The following P4HTM variants were observed in gnomAD, a reference collection of about 807,000 sequenced individuals.
P4HTM encodes transmembrane prolyl 4-hydroxylase.
In P4HTM, 33 loss-of-function variants were observed where a neutral mutation model predicts 55.3. The observed-to-expected ratio is 0.60, with a 90% confidence interval of 0.45 to 0.80. The LOEUF (loss-of-function observed/expected upper bound fraction) is 0.80. Ranked by LOEUF, P4HTM falls within the 30% of genes least tolerant of loss-of-function variation. P4HTM has a pLI of 0.00. For missense variants in P4HTM, 542 were observed against 696.5 expected (o/e 0.78, Z 2.50); for synonymous variants, 272 against 286.4 (o/e 0.95, Z 0.51).
In P4HTM at chr3:48,990,770, C is replaced by T. The variant is rs985737392; in HGVS notation, c.355-63C>T. ...GCTGTCGCTCTCCGGGCCGGGGCGACTTGGCCCTTCTTGGGCAGCGCGGTC... is the reference window on the plus strand; with the variant it reads ...GCTGTCGCTCTCCGGGCCGGGGCGATTTGGCCCTTCTTGGGCAGCGCGGTC... On this transcript the variant is annotated intron_variant, in intron 1 of 8. Coordinates refer to ENST00000383729, the MANE Select transcript of P4HTM (RefSeq NM_177939.3). The surrounding 1 kb of genome is among the most constrained non-coding windows in gnomAD (Gnocchi z 7.2). 2.2e-5 allele frequency: 34 copies of T among 1,563,198 alleles called. No homozygotes were observed. The highest frequency in any genetic ancestry group is 2.7e-5 in the African/African-American group (2 of 73,666).
intron 6 of P4HTM, 74 bp from the exon 7 acceptor site, chr3:49,005,703 T>A: frequency 2.6e-6 from 4 of 1,512,248 alleles, no homozygotes; most frequent in Non-Finnish European, 3.5e-6. Flanking sequence ...CCTGGGCAGC[T>A]TATCCTGCCC....
In P4HTM at chr3:49,002,747, C is replaced by T. The variant is rs779395472; in HGVS notation, c.724+151C>T. On this transcript the variant is annotated intron_variant, in intron 4 of 8. Coordinates refer to ENST00000383729, the MANE Select transcript of P4HTM (RefSeq NM_177939.3). The surrounding 1 kb of genome is among the most constrained non-coding windows in gnomAD (Gnocchi z 4.4). ...CAGAGATGGGGAGGTGAAGATCCAG[C>T]CTTGCTTTTTACCCCTGGGAAGTAG... 1.4e-6 allele frequency: 1 copy of T among 722,518 alleles called. No individual in the cohort carries two copies. The highest frequency in any genetic ancestry group is 1.5e-5 in the South Asian group (1 of 68,328). The allele number at this position is 722,518 out of a possible 1,614,324, so 44.8% of individuals were successfully genotyped here.
intron 4 of P4HTM, 84 bp from the exon 5 acceptor site, chr3:49,004,014 T>G: frequency 1.2e-5 from 16 of 1,334,674 alleles, no homozygotes; most frequent in African/African-American, 1.5e-5. Context: ...GCTGCTGCCT[T>G]TGGGGTAGGT....
At position 49,006,912 on chromosome 3, in the gene P4HTM, A is replaced by G. The variant is rs760095125; in HGVS notation, c.*5A>G. On this transcript the variant is annotated 3_prime_UTR_variant, in exon 9 of 9. Coordinates refer to ENST00000383729, the MANE Select transcript of P4HTM (RefSeq NM_177939.3). The stretch of plus-strand genomic sequence containing the variant: ...GATGCGCGCGTGGAACTCTGAGGGA[A>G]GAGTTAGCCCCGGTTCCCAGCCGCG... 1 of 1,609,178 alleles carries G rather than the reference A, an allele frequency of 6.2e-7. No individual in the cohort carries two copies.
chr3:49,004,833 G>A, intron 5 of P4HTM, 28 bp from the exon 6 acceptor site: 3 of 1,584,086 alleles, frequency 1.9e-6, no homozygotes, highest in Non-Finnish European at 2.6e-6. Context: ...GCCTGGGGCT[G>A]CCCAGCCAAA....
intron 3 of P4HTM, among the ~76,000 whole-genome samples, chr3:49,001,905 C>G (rs371482059): frequency 9.7e-4 from 148 of 152,370 alleles, no homozygotes; most frequent in African/African-American, 3.5e-3. Context: ...ATTCCTTGCT[C>G]TCATGGCTGG....
At position 48,990,872 on chromosome 3, in the gene P4HTM, G is replaced by A. The variant is rs771908809; in HGVS notation, c.394G>A (p.Asp132Asn). 6.2e-7 allele frequency: 1 copy of A among 1,614,050 alleles called. No homozygotes were observed. The highest frequency in any genetic ancestry group is 8.5e-7 in the Non-Finnish European group (1 of 1,179,978). Residue 132 changes from aspartate to asparagine, a missense_variant, in exon 2 of 9, where the codon GAT becomes AAT. By Grantham distance (23) the Asp-to-Asn change is conservative (BLOSUM62 1). Around this residue, in one of 2 missense-constraint regions of P4HTM, gnomAD observed 536 missense variants for 672.1 expected, o/e 0.80. Transcript: ENST00000383729. This position sits in a 1 kb window ranked among gnomAD's most constrained non-coding sequence, Gnocchi z 7.2. Reference protein sequence around the residue: ...ERKVQLVTDRDHFIRTLSLKP... With the variant: ...ERKVQLVTDRNHFIRTLSLKP... ...TAAGGTCCAGCTGGTCACCGACAGG[G>A]ATCACTTCATCCGAACCCTCAGCCT...
chr3:49,005,764 C>A lies in P4HTM; in HGVS notation c.1074-13C>A. On this transcript the variant is annotated splice_polypyrimidine_tract_variant and intron_variant, in intron 6 of 8. Coordinates refer to ENST00000383729, the MANE Select transcript of P4HTM (RefSeq NM_177939.3). The stretch of plus-strand genomic sequence containing the variant: ...CAACTGGGGACCTGCTCAGTGCCCC[C>A]CCTGCCTTACAGCTACATGACAGTG... 1 of 1,595,558 alleles carries A rather than the reference C, an allele frequency of 6.3e-7. No homozygotes were observed. Among genetic ancestry groups the A allele is most frequent in the Non-Finnish European group, 8.5e-7 (1 of 1,171,504 alleles).
intron 6 of P4HTM, chr3:49,005,532 G>A (rs1576608800): frequency 8.1e-6 from 11 of 1,355,924 alleles, no homozygotes; most frequent in Non-Finnish European, 1.0e-5. Flanking sequence ...CTTGCTCAGG[G>A]CCATGGCATT....
At chr3:49,003,786 C>A (rs369207898) in intron 4 of P4HTM, 28 of 295,300 alleles carry the variant, frequency 9.5e-5, no homozygotes, top group East Asian at 6.5e-4. Flanking sequence ...AGGGTCCTGG[C>A]CATATGGCTC....
chr3:48,998,597 T>C (rs1214491877), intron 2 of P4HTM, among the ~76,000 whole-genome samples: 1 of 152,060 alleles, frequency 6.6e-6, no homozygotes, highest in Non-Finnish European at 1.5e-5. Flanking sequence ...CCAGTGCACC[T>C]CTCCCTCCGG....
chr3:48,990,880 C>A lies in P4HTM; in HGVS notation c.402C>A (p.Phe134Leu). 2 of 1,613,974 alleles carry A rather than the reference C, an allele frequency of 1.2e-6. No individual in the cohort carries two copies. Among genetic ancestry groups the A allele is most frequent in the African/African-American group, 2.7e-5 (2 of 75,064 alleles). The stretch of plus-strand genomic sequence containing the variant: ...AGCTGGTCACCGACAGGGATCACTT[C>A]ATCCGAACCCTCAGCCTCAAGCCGC... ...KVQLVTDRDH[F>L]IRTLSLKPLL... Residue 134 changes from phenylalanine to leucine, a missense_variant, in exon 2 of 9, where the codon TTC (phenylalanine) becomes TTA (leucine). Physicochemically the swap from Phe to Leu is conservative, Grantham distance 22. This residue lies in a region of P4HTM where 536 missense variants were observed against 672.1 expected (regional missense o/e 0.80). Coordinates refer to ENST00000383729, the MANE Select transcript of P4HTM (RefSeq NM_177939.3). The surrounding 1 kb of genome is among the most constrained non-coding windows in gnomAD (Gnocchi z 7.2).
In P4HTM at chr3:49,006,969, C is replaced by T. The variant is rs2092985679; in HGVS notation, c.*62C>T. On this transcript the variant is annotated 3_prime_UTR_variant, in exon 9 of 9. Coordinates refer to ENST00000383729, the MANE Select transcript of P4HTM (RefSeq NM_177939.3). ...CAGTTGCCCAAGATCAGGGGTCCGG[C>T]TGTCCTTCTGTCCTGCTGCAGACTA... 1.0e-5 allele frequency: 13 copies of T among 1,296,672 alleles called. No homozygotes were observed. The highest frequency in any genetic ancestry group is 1.4e-5 in the Non-Finnish European group (13 of 926,096). 80.3% of individuals were successfully genotyped at this position (1,296,672 alleles called of 1,614,324 possible).
Position 49,001,712 on chromosome 3 carries a change from G to A in P4HTM, c.627+84G>A. The A allele has an allele frequency of 4.0e-6, 5 of 1,252,130 alleles. No homozygotes were observed. The South Asian group carries it at 5.6e-5, about 14-fold the overall frequency. 77.6% of individuals were successfully genotyped at this position (1,252,130 alleles called of 1,614,324 possible). A position where few individuals can be genotyped will look rare whatever the true frequency, so the allele number is the denominator to read the frequency against. Reference sequence around the variant, plus strand: ...GTGGCCAGGTCACTTGTCCAGCCCAGGCCTGGTCCCAAAAGTCAGATACTA... The same window carrying A: ...GTGGCCAGGTCACTTGTCCAGCCCAAGCCTGGTCCCAAAAGTCAGATACTA... On this transcript the variant is annotated intron_variant, in intron 3 of 8. Coordinates refer to ENST00000383729, the MANE Select transcript of P4HTM (RefSeq NM_177939.3).
At chr3:48,997,419 C>T (rs986966389) in intron 2 of P4HTM, 1 of 152,362 alleles carries the variant, frequency 6.6e-6, no homozygotes, top group African/African-American at 2.4e-5. Flanking sequence ...GCAGGGTGGG[C>T]TCCAGCTCTG....
rs961053425 is a variant in P4HTM, at chr3:49,005,353, C to G, written c.1073+307C>G. On this transcript the variant is annotated intron_variant, in intron 6 of 8. Transcript: ENST00000383729. Reference sequence around the variant, plus strand: ...CCCTAGCTTGTCCTGCCCATTCCTCCAGGTGTTGATCTTGATTCCACTTAG... The same window carrying G: ...CCCTAGCTTGTCCTGCCCATTCCTCGAGGTGTTGATCTTGATTCCACTTAG... 4.2e-6 allele frequency: 6 copies of G among 1,420,270 alleles called. No homozygotes were observed. The African/African-American group carries it at 8.6e-5, about 20-fold the overall frequency. 88.0% of individuals were successfully genotyped at this position (1,420,270 alleles called of 1,614,324 possible). A position where few individuals can be genotyped will look rare whatever the true frequency, so the allele number is the denominator to read the frequency against.
At position 49,002,596 on chromosome 3, in the gene P4HTM, G is replaced by A. The variant is rs1287824436; in HGVS notation, c.724G>A (p.Gly242Arg). 2.5e-6 allele frequency: 4 copies of A among 1,608,442 alleles called. No individual in the cohort carries two copies. The highest frequency in any genetic ancestry group is 1.7e-5 in the Admixed American group (1 of 60,012). The change falls in exon 4 of 9, where the codon GGA (glycine) becomes AGA (arginine). Residue 242 changes from glycine to arginine, a missense_variant and splice_region_variant. By Grantham distance (125) the Gly-to-Arg change is moderately radical. This residue lies in a region of P4HTM where 536 missense variants were observed against 672.1 expected (regional missense o/e 0.80). Coordinates refer to ENST00000383729, the MANE Select transcript of P4HTM (RefSeq NM_177939.3). This position sits in a 1 kb window ranked among gnomAD's most constrained non-coding sequence, Gnocchi z 4.4. ...AAIKADPDGD[G>R]VLSLQEFSNM... ...GATCAAGGCTGACCCTGATGGTGAC[G>A]GTGAGCTCACACCTCTGCACAGTCC... is the stretch of plus-strand genomic sequence containing the variant.
chr3:49,002,878 A>G lies in P4HTM; in HGVS notation c.724+282A>G, dbSNP rs972560273. 4 of 489,256 alleles carry G rather than the reference A, an allele frequency of 8.2e-6. No individual in the cohort carries two copies. Among genetic ancestry groups the G allele is most frequent in the Non-Finnish European group, 1.1e-5 (3 of 263,866 alleles). 30.3% of individuals were successfully genotyped at this position (489,256 alleles called of 1,614,324 possible). On this transcript the variant is annotated intron_variant, in intron 4 of 8. Transcript: ENST00000383729. The surrounding 1 kb of genome is among the most constrained non-coding windows in gnomAD (Gnocchi z 4.4). The stretch of plus-strand genomic sequence containing the variant: ...AGTTGAGAGCCTGGGGACAGGAAGT[A>G]GGGCTGCTAGTTGGCAGAGAACAGA...
At position 48,990,752 on chromosome 3, in the gene P4HTM, C is replaced by T; in HGVS notation, c.355-81C>T. On this transcript the variant is annotated intron_variant, in intron 1 of 8. Coordinates refer to ENST00000383729, the MANE Select transcript of P4HTM (RefSeq NM_177939.3). The surrounding 1 kb of genome is among the most constrained non-coding windows in gnomAD (Gnocchi z 7.2). ...GCTCCCACTCACTCGCCTGCTGTCGCTCTCCGGGCCGGGGCGACTTGGCCC... is the reference window on the plus strand; with the variant it reads ...GCTCCCACTCACTCGCCTGCTGTCGTTCTCCGGGCCGGGGCGACTTGGCCC... 6.5e-7 allele frequency: 1 copy of T among 1,527,612 alleles called. No individual in the cohort carries two copies. The highest frequency in any genetic ancestry group is 8.9e-7 in the Non-Finnish European group (1 of 1,117,328). 94.6% of individuals were successfully genotyped at this position (1,527,612 alleles called of 1,614,324 possible). A position where few individuals can be genotyped will look rare whatever the true frequency, so the allele number is the denominator to read the frequency against.
Sources: allele counts gnomAD v4.1 joint callset (sites outside exome capture counted in the v4.1 genomes callset), GRCh38; gene constraint gnomAD v4.1.1; regional missense constraint gnomAD v4.1.1; non-coding constraint Gnocchi (gnomAD v3.1); transcripts MANE v1.5; gene names NCBI Gene and HGNC (gene_info 2026-07-23, HGNC 2026-07-21).